Variants in GSTA2 observed in about 807,000 individuals in gnomAD.
GSTA2 encodes glutathione S-transferase A2.
In GSTA2, 27 loss-of-function variants were observed where a neutral mutation model predicts 22.4. The observed-to-expected ratio is 1.21, with a 90% CI of 0.89 to 1.67. GSTA2 has a LOEUF of 1.67. Among genes scored for constraint, GSTA2 ranks in the 40% most tolerant of loss-of-function variants. GSTA2 has a pLI of 0.00. For missense variants in GSTA2, 302 were observed against 260.2 expected (o/e 1.16, Z -1.11); for synonymous variants, 121 against 86.8 (o/e 1.39, Z -2.19).
rs559116260 is a variant in GSTA2, at chr6:52,752,194, C to A, written c.415-486G>T. 5.3e-5 allele frequency among the ~76,000 whole-genome samples: 8 copies of A among 152,304 alleles called. No homozygotes were observed. In the East Asian group the frequency reaches 1.5e-3, roughly 29 times the overall value. On this transcript the variant is annotated intron_variant, in intron 5 of 6. Coordinates refer to ENST00000493422, the MANE Select transcript of GSTA2 (RefSeq NM_000846.5). ...CCTTGTCTGTTCTCCTCATTCCCTG[C>A]TCTATCTCCCTGAGATCTGTAGGAA...
chr6:52,756,203 C>T (rs1482474652), intron 3 of GSTA2, 55 bp downstream of exon 3: 1 of 1,303,102 alleles, frequency 7.7e-7, no homozygotes, highest in Non-Finnish European at 1.1e-6. Context: ...CGCAAACCTC[C>T]CCGTGTACCT....
chr6:52,752,551 T>C lies in GSTA2; in HGVS notation c.414+303A>G, dbSNP rs1454354537. 2.6e-5 allele frequency among the ~76,000 whole-genome samples: 4 copies of C among 152,194 alleles called. No individual in the cohort carries two copies. The East Asian group carries it at 7.7e-4, about 29-fold the overall frequency. On this transcript the variant is annotated intron_variant, in intron 5 of 6. Coordinates refer to ENST00000493422, the MANE Select transcript of GSTA2 (RefSeq NM_000846.5). ...GGTTCCATAGACTGAACAGCAACTCTAGTGTGGTCCAGAGCCTTCCACAGC... is the reference window on the plus strand; with the variant it reads ...GGTTCCATAGACTGAACAGCAACTCCAGTGTGGTCCAGAGCCTTCCACAGC...
intron 3 of GSTA2, 140 bp downstream of exon 3, chr6:52,756,118 C>T: frequency 1.7e-6 from 1 of 581,746 alleles, no homozygotes; most frequent in Non-Finnish European, 3.2e-6. Flanking sequence ...AGCCACATCC[C>T]TTCCATTTTA....
At chr6:52,757,308 A>G (rs1462411200) in intron 2 of GSTA2, among the ~76,000 whole-genome samples, 2 of 128,270 alleles carry the variant, frequency 1.6e-5, no homozygotes, top group Non-Finnish European at 3.2e-5. Context: ...AGAAAAGCAT[A>G]ATGATTCTCC....
In GSTA2 at chr6:52,756,424, C is replaced by G. The variant is rs538650448; in HGVS notation, c.88-115G>C. On this transcript the variant is annotated intron_variant, in intron 2 of 6. Coordinates refer to ENST00000493422, the MANE Select transcript of GSTA2 (RefSeq NM_000846.5). ...GAGAATATAAGATTTCTGAGTTTGG[C>G]AGGGTACACAGAGGGGGCTAGTCAT... 1.9e-5 allele frequency: 16 copies of G among 840,218 alleles called. No individual in the cohort carries two copies. In the East Asian group the frequency reaches 4.3e-4, roughly 22 times the overall value. 52.0% of individuals were successfully genotyped at this position (840,218 alleles called of 1,614,324 possible).
chr6:52,763,186 T>A (rs1242917983), intron 1 of GSTA2, among the ~76,000 whole-genome samples: 2 of 152,198 alleles, frequency 1.3e-5, no homozygotes, highest in Non-Finnish European at 2.9e-5. Flanking sequence ...TTTTTTCTCC[T>A]CATGTCATTG....
intron 1 of GSTA2, among the ~76,000 whole-genome samples, chr6:52,761,165 A>T (rs2749007): frequency 0.73 from 111,006 of 152,032 alleles, 41,444 homozygotes; most frequent in African/African-American, 0.88. Context: ...GTTAAATGAG[A>T]TAATGTAGAA....
intron 3 of GSTA2, 144 bp from the exon 4 acceptor site, chr6:52,755,219 T>TC (rs1467879684): frequency 6.7e-6 from 7 of 1,038,296 alleles, no homozygotes; most frequent in East Asian, 5.2e-5. Context: ...AAACAACTTT[T>TC]TTTTTTTTTT....
intron 5 of GSTA2, 128 bp from the exon 6 acceptor site, chr6:52,751,836 G>T: frequency 3.7e-6 from 5 of 1,333,992 alleles, no homozygotes; most frequent in Non-Finnish European, 4.2e-6. Context: ...CAGAAATCCC[G>T]AGCTTTCTCC....
chr6:52,760,576 C>G (rs1191283217), intron 1 of GSTA2, among the ~76,000 whole-genome samples: 2 of 152,164 alleles, frequency 1.3e-5, no homozygotes, highest in Non-Finnish European at 2.9e-5. Context: ...GCACCTGTCT[C>G]ATGCTGCACA....
Position 52,755,004 on chromosome 6 carries a change from T to G in GSTA2, c.211A>C (p.Ile71Leu). 6.2e-7 allele frequency: 1 copy of G among 1,614,166 alleles called. No individual in the cohort carries two copies. The highest frequency in any genetic ancestry group is 1.3e-5 in the African/African-American group (1 of 75,048). The part of the protein sequence containing the change: ...DGMKLVQTRA[I>L]LNYIASKYNL... ...TATTTGCTGGCAATGTAGTTGAGAATGGCTCTGGTCTGCACCAGCTTCATC... is the reference window on the plus strand; with the variant it reads ...TATTTGCTGGCAATGTAGTTGAGAAGGGCTCTGGTCTGCACCAGCTTCATC... Residue 71 changes from isoleucine to leucine, a missense_variant, in exon 4 of 7, where the codon ATT becomes CTT. By Grantham distance (5) the Ile-to-Leu change is conservative. Transcript: ENST00000493422.
chr6:52,752,777 C>A (rs112698359), intron 5 of GSTA2, 77 bp downstream of exon 5: 22 of 1,565,404 alleles, frequency 1.4e-5, no homozygotes, highest in African/African-American at 5.4e-5. Context: ...AAGATCAGTG[C>A]CCCAGGAATG....
rs771675597 is a variant in GSTA2, at chr6:52,750,564, T to C, written c.*13A>G. On this transcript the variant is annotated 3_prime_UTR_variant, in exon 7 of 7. Coordinates refer to ENST00000493422, the MANE Select transcript of GSTA2 (RefSeq NM_000846.5). Reference sequence around the variant, plus strand: ...ACTGGTCTTGCATGTTCTTGACCTCTATGGCTGGTTTATTAAAACCTGAAA... The same window carrying C: ...ACTGGTCTTGCATGTTCTTGACCTCCATGGCTGGTTTATTAAAACCTGAAA... 1.1e-5 allele frequency: 17 copies of C among 1,613,388 alleles called. No individual in the cohort carries two copies. The East Asian group carries it at 3.8e-4, about 36-fold the overall frequency.
rs1250051709 is a variant in GSTA2 at position 52,756,438 on chromosome 6, G to C, written c.88-129C>G. 8.3e-6 allele frequency: 6 copies of C among 724,346 alleles called. No homozygotes were observed. In the African/African-American group the frequency reaches 1.1e-4, roughly 13 times the overall value. 44.9% of individuals were successfully genotyped at this position (724,346 alleles called of 1,614,324 possible). A position where few individuals can be genotyped will look rare whatever the true frequency, so the allele number is the denominator to read the frequency against. ...TCTGAGTTTGGCAGGGTACACAGAG[G>C]GGGCTAGTCATGGCCATTTGGAAAT... On this transcript the variant is annotated intron_variant, in intron 2 of 6. Coordinates refer to ENST00000493422, the MANE Select transcript of GSTA2 (RefSeq NM_000846.5).
intron 1 of GSTA2, among the ~76,000 whole-genome samples, chr6:52,759,638 G>T (rs1762920243): frequency 7.9e-6 from 1 of 126,576 alleles, no homozygotes; most frequent in African/African-American, 3.1e-5. Flanking sequence ...AGGCTGCAGT[G>T]CAATGGCGCG....
chr6:52,755,701 G>A (rs1312326568), intron 3 of GSTA2, among the ~76,000 whole-genome samples: 1 of 151,812 alleles, frequency 6.6e-6, no homozygotes, highest in Admixed American at 6.6e-5. Context: ...CAATAGTACT[G>A]GCAACAAGAT....
At position 52,756,259 on chromosome 6, in the gene GSTA2, A is replaced by G. The variant is rs763157349; in HGVS notation, c.138T>C (p.Asn46=). Residue 46 remains asparagine (N), a splice_region_variant and synonymous_variant, in exon 3 of 7, where the codon AAT becomes AAC. Transcript: ENST00000493422. Reference sequence around the variant, plus strand: ...GAGAAACTTAGAGGTTGATCTTACCATTTCTTAACTTGTCCAAATCTTCTG... The same window carrying G: ...GAGAAACTTAGAGGTTGATCTTACCGTTTCTTAACTTGTCCAAATCTTCTG... ...KSAEDLDKLR[N]DGYLMFQQVP... 2 of 1,602,500 alleles carry G rather than the reference A, an allele frequency of 1.2e-6. No homozygotes were observed. Among genetic ancestry groups the G allele is most frequent in the Non-Finnish European group, 1.7e-6 (2 of 1,169,926 alleles).
At chr6:52,752,659 A>G (rs1371948625) in intron 5 of GSTA2, among the ~76,000 whole-genome samples, 195 bp downstream of exon 5, 1 of 152,218 alleles carries the variant, frequency 6.6e-6, no homozygotes, top group African/African-American at 2.4e-5. Context: ...TTACTGGAAG[A>G]TTATAGCTTG....
At chr6:52,753,983 C>A (rs1230585515) in intron 4 of GSTA2, among the ~76,000 whole-genome samples, 1 of 152,106 alleles carries the variant, frequency 6.6e-6, no homozygotes, top group Non-Finnish European at 1.5e-5. Flanking sequence ...TAATATGTGG[C>A]CTTCTGTGTC....
Sources: gnomAD v4.1 joint callset for allele counts (sites outside exome capture counted in the v4.1 genomes callset) on GRCh38, gnomAD v4.1.1 for gene constraint, MANE v1.5 for transcripts, NCBI Gene and HGNC (gene_info 2026-07-23, HGNC 2026-07-21) for gene names.